The following MYO9A variants were observed in gnomAD, a reference collection of about 807,000 sequenced individuals.
MYO9A encodes the protein myosin IXA.
Under a neutral mutation model 293.3 loss-of-function variants are expected in MYO9A, and 103 were observed. The ratio of observed to expected loss-of-function variants is 0.35; its 90% CI spans 0.30 to 0.41. The LOEUF (loss-of-function observed/expected upper bound fraction) is 0.41. Among genes scored for constraint, MYO9A ranks in the 10% least tolerant of loss-of-function variants. The probability of loss-of-function intolerance (pLI) is 1.00; values close to 1 mark genes in which losing one functional copy is unlikely to be tolerated. For missense variants in MYO9A, 2,685 were observed against 3,033.0 expected (o/e 0.89, Z 2.69); for synonymous variants, 1,001 against 1,035.7 (o/e 0.97, Z 0.64).
intron 32 of MYO9A, among the ~76,000 whole-genome samples, chr15:71,873,526 A>C (rs1271403450): frequency 1.3e-5 from 2 of 152,000 alleles, no homozygotes; most frequent in East Asian, 1.9e-4. Flanking sequence ...GCTAAAGTAC[A>C]TTCTCCAAGA....
intron 3 of MYO9A, 44 bp from the exon 4 acceptor site, chr15:72,027,837 A>C: frequency 7.5e-7 from 1 of 1,340,878 alleles, no homozygotes; most frequent in Non-Finnish European, 1.1e-6. Context: ...ATAAAGTTTA[A>C]TATAAGGCAG....
chr15:72,101,989 G>A (rs1212834953), intron 1 of MYO9A, among the ~76,000 whole-genome samples: 3 of 151,802 alleles, frequency 2.0e-5, no homozygotes, highest in East Asian at 2.0e-4. Flanking sequence ...TGGGAGGTGT[G>A]CCCAACAGCT....
intron 3 of MYO9A, among the ~76,000 whole-genome samples, chr15:72,030,945 G>C (rs192317399): frequency 4.6e-5 from 7 of 152,302 alleles, no homozygotes; most frequent in African/African-American, 1.7e-4. Flanking sequence ...ACCGGGCTAC[G>C]CAGCAGGAGG....
intron 1 of MYO9A, among the ~76,000 whole-genome samples, chr15:72,088,958 T>G (rs927160250): frequency 3.3e-5 from 5 of 152,210 alleles, no homozygotes. Flanking sequence ...GTCAATGATG[T>G]ACACTTTTGC....
chr15:71,847,451 T>G (rs1416382369), intron 39 of MYO9A: 1 of 454,992 alleles, frequency 2.2e-6, no homozygotes, highest in Non-Finnish European at 4.4e-6. Flanking sequence ...TGAATCTAAC[T>G]GCAATTAGTA....
chr15:72,035,022 C>T (rs938879463), intron 2 of MYO9A, among the ~76,000 whole-genome samples: 1 of 152,130 alleles, frequency 6.6e-6, no homozygotes, highest in African/African-American at 2.4e-5. Flanking sequence ...TTCAACATCA[C>T]CAACTATTAC....
chr15:71,835,356 T>TC (rs2140838725), intron 39 of MYO9A, among the ~76,000 whole-genome samples: 1 of 152,246 alleles, frequency 6.6e-6, no homozygotes, highest in South Asian at 2.1e-4. Context: ...AAACTATCAT[T>TC]ATTCATGAAT....
intron 1 of MYO9A, among the ~76,000 whole-genome samples, chr15:72,050,563 T>C (rs2078527734): frequency 6.6e-6 from 1 of 152,080 alleles, no homozygotes. Context: ...GCCAAGATCA[T>C]GCCACTGCAC....
chr15:71,834,258 AATT>A (rs1396890525), intron 39 of MYO9A, among the ~76,000 whole-genome samples: 1 of 152,144 alleles, frequency 6.6e-6, no homozygotes, highest in Non-Finnish European at 1.5e-5. Context: ...ATGAAAATCT[AATT>A]AATACCATCA....
At chr15:71,987,711 A>G (rs1255562200) in intron 11 of MYO9A, among the ~76,000 whole-genome samples, 1 of 152,198 alleles carries the variant, frequency 6.6e-6, no homozygotes, top group Non-Finnish European at 1.5e-5. Flanking sequence ...CACAGTCATC[A>G]TATTGAAGAT....
chr15:71,964,030 A>C (rs2075809882), intron 13 of MYO9A, among the ~76,000 whole-genome samples: 1 of 152,104 alleles, frequency 6.6e-6, no homozygotes, highest in Non-Finnish European at 1.5e-5. Context: ...TTTTTAATGG[A>C]ATTTATCCAT....
intron 39 of MYO9A, among the ~76,000 whole-genome samples, chr15:71,839,849 CTTCT>C (rs779262501): frequency 5.3e-5 from 8 of 152,092 alleles, no homozygotes; most frequent in East Asian, 3.8e-4. Flanking sequence ...TCCTATTCTG[CTTCT>C]TTATTTTCTT....
At chr15:71,970,343 A>C (rs2075977982) in intron 12 of MYO9A, among the ~76,000 whole-genome samples, 1 of 152,226 alleles carries the variant, frequency 6.6e-6, no homozygotes, top group Non-Finnish European at 1.5e-5. Context: ...GCCATTAAGT[A>C]GGAAAGGCTA....
chr15:71,899,895 G>C lies in MYO9A; in HGVS notation c.3262C>G (p.His1088Asp). 1 of 1,614,046 alleles carries C rather than the reference G, an allele frequency of 6.2e-7. No individual in the cohort carries two copies. Residue 1088 changes from histidine to aspartate, a missense_variant, in exon 24 of 42, where the codon CAC becomes GAC. His to Asp is a moderately conservative substitution (Grantham distance 81). Around this residue, in one of 10 missense-constraint regions of MYO9A, gnomAD observed 1,434 missense variants for 1,497.7 expected, o/e 0.96. Coordinates refer to ENST00000356056, the MANE Select transcript of MYO9A (RefSeq NM_006901.4). Reference protein sequence around the residue: ...AALLQASWRAHLERQRYLELR... With the variant: ...AALLQASWRADLERQRYLELR... ...TCCAAGTACCGCTGCCTCTCTAAGT[G>C]AGCACGCCAGGAAGCTTGGAGAAGA...
At chr15:72,011,501 C>A (rs2077173263) in intron 6 of MYO9A, among the ~76,000 whole-genome samples, 1 of 151,966 alleles carries the variant, frequency 6.6e-6, no homozygotes, top group Non-Finnish European at 1.5e-5. Flanking sequence ...GTCACACATG[C>A]CTGTAATCCC....
rs558143952 is a variant in MYO9A, at chr15:72,103,352, CAG to C, written c.-72+14326_-72+14327del. On this transcript the variant is annotated intron_variant, in intron 1 of 41. Coordinates refer to ENST00000356056, the MANE Select transcript of MYO9A (RefSeq NM_006901.4). ...CAGCAGAAGCAGAAGCAGCAGCAAGCAGAGACAGAAGCAGCAGCAGAAGCAGA... is the reference window on the plus strand; with the variant it reads ...CAGCAGAAGCAGAAGCAGCAGCAAGCAGACAGAAGCAGCAGCAGAAGCAGA... Among the ~76,000 whole-genome samples the C allele has an allele frequency of 1.4e-3, 184 of 133,208 alleles. 1 individual carries two copies. Among genetic ancestry groups the C allele is most frequent in the African/African-American group, 5.1e-3 (176 of 34,452 alleles). The allele number at this position is 133,208 out of a possible 152,430, so 87.4% of individuals were successfully genotyped here.
At chr15:71,987,589 C>T (rs1039492261) in intron 11 of MYO9A, among the ~76,000 whole-genome samples, 3 of 152,158 alleles carry the variant, frequency 2.0e-5, no homozygotes, top group African/African-American at 7.2e-5. Flanking sequence ...CTTTGTGTAA[C>T]TACTTTACCT....
intron 32 of MYO9A, among the ~76,000 whole-genome samples, chr15:71,867,849 C>CACACACACACACACACACACACACA: frequency 7.3e-6 from 1 of 137,608 alleles, no homozygotes; most frequent in African/African-American, 2.7e-5. Context: ...CACACACACA[C>CACACACACACACACACACACACACA]GGTTATTCAT....
chr15:72,067,577 A>G (rs2079059430), intron 1 of MYO9A, among the ~76,000 whole-genome samples: 1 of 152,152 alleles, frequency 6.6e-6, no homozygotes, highest in African/African-American at 2.4e-5. Context: ...CACCATGCCC[A>G]GCCTCCAATA....
Sources: allele counts gnomAD v4.1 joint callset (sites outside exome capture counted in the v4.1 genomes callset), GRCh38; gene constraint gnomAD v4.1.1; regional missense constraint gnomAD v4.1.1; transcripts MANE v1.5; gene names NCBI Gene and HGNC (gene_info 2026-07-23, HGNC 2026-07-21).